Variants in WNT11 observed in about 807,000 individuals in gnomAD.
WNT11 encodes protein Wnt-11.
Under a neutral mutation model 35.6 loss-of-function variants are expected in WNT11, and 20 were observed. That is an observed-to-expected ratio of 0.56 (90% confidence interval 0.40 to 0.82). The LOEUF (loss-of-function observed/expected upper bound fraction) is 0.82, where lower values mean the gene tolerates loss of function less well. Ranked by LOEUF, WNT11 falls within the 40% of genes least tolerant of loss-of-function variation. The probability of loss-of-function intolerance (pLI) is 0.00; values close to 1 mark genes in which losing one functional copy is unlikely to be tolerated. For synonymous variants in WNT11, 200 were observed against 211.9 expected, an observed-to-expected ratio of 0.94 and a Z score of 0.49; for missense variants, 459 against 504.4, an observed-to-expected ratio of 0.91 and a Z score of 0.86.
chr11:76,194,758 G>T lies in WNT11; in HGVS notation c.406C>A (p.Pro136Thr), dbSNP rs758060677. The T allele has an allele frequency of 1.7e-5, 27 of 1,553,944 alleles. No homozygotes were observed. In the Admixed American group the frequency reaches 1.9e-4, roughly 11 times the overall value. ...IARACTSGDL[P>T]GCSCGPVPGE... ...GGGACGGGGCCGCAGGAGCAGCCGG[G>T]CAGGTCGCCGGAGGTGCAGGCCCGG... is the stretch of plus-strand genomic sequence containing the variant. Residue 136 changes from proline to threonine, a missense_variant, in exon 3 of 5, where the codon CCC becomes ACC. Transcript: ENST00000322563. The surrounding 1 kb of genome is among the most constrained non-coding windows in gnomAD (Gnocchi z 5.4).
Position 76,196,535 on chromosome 11 carries a change from C to T in WNT11, c.267G>A (p.Trp89Ter). ...GGGCGAGCTCAATGGAGGAGCAGTTCCAGCGCATGTCGGCAAAGGCCCGGC... is the reference window on the plus strand; with the variant it reads ...GGGCGAGCTCAATGGAGGAGCAGTTTCAGCGCATGTCGGCAAAGGCCCGGC... The part of the protein sequence containing the change: ...ACRRAFADMR[W>*]NCSSIELAPN... Residue 89 changes from tryptophan to a stop codon, truncating the protein, a stop_gained, in exon 2 of 5, where the codon TGG becomes TGA. Transcript: ENST00000322563. LOFTEE classifies it high-confidence loss of function. 6.2e-7 allele frequency: 1 copy of T among 1,613,614 alleles called. No individual in the cohort carries two copies. The highest frequency in any genetic ancestry group is 8.5e-7 in the Non-Finnish European group (1 of 1,180,058).
intron 1 of WNT11, among the ~76,000 whole-genome samples, chr11:76,204,758 G>C (rs950338106): frequency 1.3e-5 from 2 of 152,054 alleles, no homozygotes; most frequent in Non-Finnish European, 2.9e-5. Context: ...ACAGGCCAGC[G>C]TGGGGGCTTG....
rs376706959 is a variant in WNT11 at position 76,196,585 on chromosome 11, C to T, written c.217G>A (p.Ala73Thr). The T allele has an allele frequency of 2.3e-5, 37 of 1,613,470 alleles. No individual in the cohort carries two copies. The highest frequency in any genetic ancestry group is 1.6e-4 in the Middle Eastern group (1 of 6,084). The change falls in exon 2 of 5, where the codon GCC becomes ACC. Residue 73 changes from alanine to threonine, a missense_variant. By Grantham distance (58) the Ala-to-Thr change is moderately conservative. Coordinates refer to ENST00000322563, the MANE Select transcript of WNT11 (RefSeq NM_004626.3). ...LELMHTVVHA[A>T]REVMKACRRA... ...CGACAGGCCTTCATGACCTCGCGGG[C>T]GGCGTGCACCACCGTGTGCATGAGC...
rs1258411073 is a variant in WNT11 at position 76,186,991 on chromosome 11, C to T, written c.*74G>A. 2 of 1,594,246 alleles carry T rather than the reference C, an allele frequency of 1.3e-6. No individual in the cohort carries two copies. The highest frequency in any genetic ancestry group is 1.7e-6 in the Non-Finnish European group (2 of 1,176,498). On this transcript the variant is annotated 3_prime_UTR_variant, in exon 5 of 5. Coordinates refer to ENST00000322563, the MANE Select transcript of WNT11 (RefSeq NM_004626.3). Reference sequence around the variant, plus strand: ...ACAAGCAGAGCTCCATGGAGTGTCTCCAGGCCCCTGGCCCCAGTTGCTGAG... The same window carrying T: ...ACAAGCAGAGCTCCATGGAGTGTCTTCAGGCCCCTGGCCCCAGTTGCTGAG...
chr11:76,201,909 C>T (rs989556810), intron 1 of WNT11, among the ~76,000 whole-genome samples: 1 of 152,164 alleles, frequency 6.6e-6, no homozygotes, highest in South Asian at 2.1e-4. Context: ...GTGTAAGGCA[C>T]CTTCAAAGAA....
chr11:76,200,547 C>A (rs1182034819), intron 1 of WNT11, among the ~76,000 whole-genome samples: 1 of 152,252 alleles, frequency 6.6e-6, no homozygotes. Flanking sequence ...GAGCCTCCCA[C>A]TTCACACCTC....
intron 2 of WNT11, 95 bp downstream of exon 2, chr11:76,196,388 C>A (rs1953286458): frequency 7.2e-7 from 1 of 1,391,884 alleles, no homozygotes; most frequent in South Asian, 1.2e-5. Flanking sequence ...ATCCACCCAC[C>A]CATGAACCCA....
rs370175791 is a variant in WNT11, at chr11:76,198,175, C to T, written c.84-1457G>A. Among the ~76,000 whole-genome samples, 31 of 152,350 alleles carry T rather than the reference C, an allele frequency of 2.0e-4. No individual in the cohort carries two copies. The South Asian group carries it at 6.4e-3, about 32-fold the overall frequency. On this transcript the variant is annotated intron_variant, in intron 1 of 4. Transcript: ENST00000322563. ...GTAGACTCCAGGCTATATCACTCCCCTTGCGACCTTGAGCAAGTCACTTAA... is the reference window on the plus strand; with the variant it reads ...GTAGACTCCAGGCTATATCACTCCCTTTGCGACCTTGAGCAAGTCACTTAA...
chr11:76,198,572 T>C (rs947481518), intron 1 of WNT11, among the ~76,000 whole-genome samples: 2 of 152,204 alleles, frequency 1.3e-5, no homozygotes, highest in East Asian at 1.9e-4. Flanking sequence ...CTTCTGGACA[T>C]GAATGAACTT....
At chr11:76,202,952 C>T (rs1455127244) in intron 1 of WNT11, among the ~76,000 whole-genome samples, 1 of 152,238 alleles carries the variant, frequency 6.6e-6, no homozygotes, top group African/African-American at 2.4e-5. Flanking sequence ...GAGATGGAAG[C>T]CTGTCCCCTT....
At chr11:76,202,783 C>T (rs990527621) in intron 1 of WNT11, among the ~76,000 whole-genome samples, 2 of 152,234 alleles carry the variant, frequency 1.3e-5, no homozygotes, top group Admixed American at 1.3e-4. Context: ...CCCTCCTGGG[C>T]TTTGTCCCAG....
intron 4 of WNT11, among the ~76,000 whole-genome samples, chr11:76,189,578 T>C (rs1223101661): frequency 6.6e-6 from 1 of 152,184 alleles, no homozygotes; most frequent in Non-Finnish European, 1.5e-5. Flanking sequence ...ATACCCCGCA[T>C]GCACACGCCT....
intron 3 of WNT11, among the ~76,000 whole-genome samples, chr11:76,192,204 T>C (rs1182452191): frequency 2.0e-5 from 3 of 152,024 alleles, no homozygotes; most frequent in Non-Finnish European, 4.4e-5. Context: ...AAACAATAGC[T>C]CAGAGAGGCT....
Position 76,188,855 on chromosome 11 carries a change from G to A in WNT11, c.891-1616C>T, listed in dbSNP as rs77682842. Among the ~76,000 whole-genome samples the A allele has an allele frequency of 1.6e-4, 24 of 152,364 alleles. No homozygotes were observed. The East Asian group carries it at 4.6e-3, about 29-fold the overall frequency. On this transcript the variant is annotated intron_variant, in intron 4 of 4. Transcript: ENST00000322563. ...GGGTAGAGGGAACAGCCTGGGCAAA[G>A]GCAGAAGACGAGGCCTGCCCTCAGA...
Position 76,194,937 on chromosome 11 carries a change from T to C in WNT11, c.320-93A>G, listed in dbSNP as rs1243192103. The C allele has an allele frequency of 1.3e-5, 18 of 1,401,454 alleles. No individual in the cohort carries two copies. Among genetic ancestry groups the C allele is most frequent in the Non-Finnish European group, 1.7e-5 (18 of 1,069,924 alleles). The allele number at this position is 1,401,454 out of a possible 1,614,324, so 86.8% of individuals were successfully genotyped here. On this transcript the variant is annotated intron_variant, in intron 2 of 4. Coordinates refer to ENST00000322563, the MANE Select transcript of WNT11 (RefSeq NM_004626.3). This position sits in a 1 kb window ranked among gnomAD's most constrained non-coding sequence, Gnocchi z 5.4. ...CTCCACCTTCGCCCACACCCTGCTG[T>C]AACCAAGGTGACGCCAGCAGGGGTC...
chr11:76,199,313 G>A (rs941750536), intron 1 of WNT11, among the ~76,000 whole-genome samples: 15 of 151,896 alleles, frequency 9.9e-5, no homozygotes, highest in African/African-American at 3.4e-4. Flanking sequence ...AGTGAGAGCC[G>A]TCTCTACCAA....
intron 1 of WNT11, among the ~76,000 whole-genome samples, chr11:76,205,082 C>T (rs1326855887): frequency 6.6e-6 from 1 of 152,144 alleles, no homozygotes; most frequent in African/African-American, 2.4e-5. Flanking sequence ...AAAGCTAGTG[C>T]CCAGGGCTGG....
intron 3 of WNT11, among the ~76,000 whole-genome samples, chr11:76,192,817 T>G (rs1420176522): frequency 1.3e-5 from 2 of 152,194 alleles, no homozygotes; most frequent in Non-Finnish European, 2.9e-5. Context: ...TTTTAAACCC[T>G]TCTTTCAACA....
chr11:76,189,200 C>A (rs942363078), intron 4 of WNT11, among the ~76,000 whole-genome samples: 38 of 152,356 alleles, frequency 2.5e-4, no homozygotes, highest in African/African-American at 8.7e-4. Flanking sequence ...AAGGCTCTGG[C>A]TGAGCACTCT....
Sources: allele counts gnomAD v4.1 joint callset (sites outside exome capture counted in the v4.1 genomes callset), GRCh38; gene constraint gnomAD v4.1.1; non-coding constraint Gnocchi (gnomAD v3.1); transcripts MANE v1.5; gene names NCBI Gene and HGNC (gene_info 2026-07-23, HGNC 2026-07-21).